Variants in TANC2 observed in about 807,000 individuals in gnomAD.
TANC2 encodes the protein protein TANC2.
Under a neutral mutation model 210.5 loss-of-function variants are expected in TANC2, and 26 were observed. The ratio of observed to expected loss-of-function variants is 0.12; its 90% confidence interval spans 0.09 to 0.17. The LOEUF (loss-of-function observed/expected upper bound fraction) is 0.17. Among genes scored for constraint, TANC2 ranks in the 10% least tolerant of loss-of-function variants. TANC2 has a pLI of 1.00. For missense variants in TANC2, 2,129 were observed against 2,608.9 expected (o/e 0.82, Z 4.01); for synonymous variants, 931 against 967.1 (o/e 0.96, Z 0.69).
intron 5 of TANC2, among the ~76,000 whole-genome samples, chr17:63,192,219 G>A (rs1454872089): frequency 1.3e-5 from 2 of 152,158 alleles, no homozygotes; most frequent in Admixed American, 6.5e-5. Context: ...GACGAGGTAA[G>A]TAAATAGGAA....
At chr17:63,287,825 C>A (rs1270504728) in intron 9 of TANC2, among the ~76,000 whole-genome samples, 1 of 152,020 alleles carries the variant, frequency 6.6e-6, no homozygotes, top group African/African-American at 2.4e-5. Flanking sequence ...CAGGTGAGCA[C>A]CACCATGCCT....
At chr17:63,115,604 A>C (rs1337227326) in intron 4 of TANC2, among the ~76,000 whole-genome samples, 1 of 152,230 alleles carries the variant, frequency 6.6e-6, no homozygotes, top group Non-Finnish European at 1.5e-5. Flanking sequence ...AGTCAAACAT[A>C]AAACCTAGCC....
At chr17:63,022,713 G>A (rs1441027722) in intron 2 of TANC2, among the ~76,000 whole-genome samples, 1 of 152,156 alleles carries the variant, frequency 6.6e-6, no homozygotes, top group East Asian at 1.9e-4. Context: ...CCCAGAGGCT[G>A]AGGAGGGCAG....
chr17:63,284,834 C>G (rs1049904229), intron 9 of TANC2, among the ~76,000 whole-genome samples: 1 of 152,000 alleles, frequency 6.6e-6, no homozygotes, highest in Non-Finnish European at 1.5e-5. Flanking sequence ...ACATTGAAAT[C>G]TTTAGCTGCA....
In TANC2 at chr17:63,303,149, T is replaced by C. The variant is rs559193042; in HGVS notation, c.1160-11239T>C. Among the ~76,000 whole-genome samples, 179 of 152,352 alleles carry C rather than the reference T, an allele frequency of 1.2e-3. 1 individual carries two copies. Among genetic ancestry groups the C allele is most frequent in the African/African-American group, 4.1e-3 (172 of 41,582 alleles). ...GAATTTGATCCTATCATCATGATGC[T>C]ATCTTGTTATCTCACACACTAGTTG... On this transcript the variant is annotated intron_variant, in intron 9 of 27. Coordinates refer to ENST00000689528, the Ensembl canonical transcript of TANC2.
At chr17:63,010,769 T>C (rs73991869) in intron 2 of TANC2, among the ~76,000 whole-genome samples, 1,905 of 152,272 alleles carry the variant, frequency 0.013, 40 homozygotes, top group African/African-American at 0.044. Flanking sequence ...TACAAGATTA[T>C]TGGCCTATTA....
At chr17:63,133,131 G>A (rs775728523) in intron 4 of TANC2, among the ~76,000 whole-genome samples, 14 of 152,072 alleles carry the variant, frequency 9.2e-5, no homozygotes, top group African/African-American at 3.4e-4. Flanking sequence ...GTGCCACCAC[G>A]CCTGGCTAAT....
chr17:63,419,974 C>G (rs1456975976), intron 27 of TANC2, 25 bp from the exon 28 acceptor site: 2 of 1,515,020 alleles, frequency 1.3e-6, no homozygotes, highest in Non-Finnish European at 1.8e-6. Flanking sequence ...AACTCCAGTT[C>G]CTGTGTTCAC....
intron 21 of TANC2, 135 bp from the exon 22 acceptor site, chr17:63,411,376 C>T: frequency 1.2e-6 from 1 of 800,246 alleles, no homozygotes; most frequent in Non-Finnish European, 1.9e-6. Flanking sequence ...ACTGGCATAC[C>T]AGCATCAGTC....
rs536144265 is a variant in TANC2 at position 63,091,063 on chromosome 17, T to G, written c.140-8112T>G. 7.2e-5 allele frequency among the ~76,000 whole-genome samples: 11 copies of G among 152,110 alleles called. No individual in the cohort carries two copies. In the East Asian group the frequency reaches 9.6e-4, roughly 13 times the overall value. Reference sequence around the variant, plus strand: ...CACTTGTTGATGGGGTTGTTTGTTTTTTTTTTTTGTAAATTTGTTTAAGTT... The same window carrying G: ...CACTTGTTGATGGGGTTGTTTGTTTGTTTTTTTTGTAAATTTGTTTAAGTT... On this transcript the variant is annotated intron_variant, in intron 3 of 27. Coordinates refer to ENST00000689528, the Ensembl canonical transcript of TANC2.
chr17:63,314,287 A>G (rs2045237746), intron 9 of TANC2, 101 bp from the exon 10 acceptor site: 5 of 1,309,444 alleles, frequency 3.8e-6, no homozygotes, highest in South Asian at 2.8e-5. Context: ...ATGCCATCAT[A>G]TGATAACTCA....
At chr17:63,140,550 T>C (rs9908459) in intron 4 of TANC2, among the ~76,000 whole-genome samples, 91,124 of 151,986 alleles carry the variant, frequency 0.6, 29,795 homozygotes, top group African/African-American at 0.86. Context: ...TTTCATTGGC[T>C]CAAACTAGTC....
intron 11 of TANC2, among the ~76,000 whole-genome samples, chr17:63,336,043 T>G (rs1490850077): frequency 6.6e-6 from 1 of 152,170 alleles, no homozygotes; most frequent in Non-Finnish European, 1.5e-5. Context: ...TCTTAGCATC[T>G]AGTCCCAGCA....
intron 4 of TANC2, among the ~76,000 whole-genome samples, chr17:63,116,850 A>G (rs2038270806): frequency 6.6e-6 from 1 of 152,214 alleles, no homozygotes; most frequent in Non-Finnish European, 1.5e-5. Context: ...TAAATTATGG[A>G]GATACTGCAG....
chr17:63,277,143 C>T (rs2043902376), intron 9 of TANC2, among the ~76,000 whole-genome samples: 1 of 152,108 alleles, frequency 6.6e-6, no homozygotes, highest in Non-Finnish European at 1.5e-5. Flanking sequence ...GCACCATCTA[C>T]ATTATCTCCT....
exon 28 of TANC2, chr17:63,422,539 G>A (rs373550854): frequency 6.6e-5 from 10 of 152,440 alleles, no homozygotes; most frequent in African/African-American, 2.4e-4. Context: ...GGATCAGAGA[G>A]AGAAGAATTA....
At chr17:63,121,347 G>T (rs950188696) in intron 4 of TANC2, among the ~76,000 whole-genome samples, 1 of 151,940 alleles carries the variant, frequency 6.6e-6, no homozygotes, top group Non-Finnish European at 1.5e-5. Context: ...GTCATTGTAG[G>T]CATTAAGAAA....
At chr17:63,281,191 C>T (rs2044047230) in intron 9 of TANC2, among the ~76,000 whole-genome samples, 1 of 152,088 alleles carries the variant, frequency 6.6e-6, no homozygotes, top group Admixed American at 6.6e-5. Context: ...TAAGGACAAA[C>T]TTGTATTTTC....
intron 5 of TANC2, among the ~76,000 whole-genome samples, chr17:63,181,777 G>A (rs1473787874): frequency 6.6e-6 from 1 of 152,208 alleles, no homozygotes; most frequent in Non-Finnish European, 1.5e-5. Flanking sequence ...AAAAGCTGGA[G>A]AGATCTAAGG....
Sources: allele counts gnomAD v4.1 joint callset (sites outside exome capture counted in the v4.1 genomes callset), GRCh38; gene constraint gnomAD v4.1.1; transcripts MANE v1.5; gene names NCBI Gene and HGNC (gene_info 2026-07-23, HGNC 2026-07-21).